The following SDK1 variants were observed in gnomAD, a reference collection of about 807,000 sequenced individuals.
The protein encoded by SDK1 is protein sidekick-1.
SDK1 carries 157 observed loss-of-function variants against 245.5 expected under a neutral mutation model. That is an observed-to-expected ratio of 0.64 (90% CI 0.56 to 0.73). SDK1 has a LOEUF of 0.73. Among genes scored for constraint, SDK1 ranks in the 30% least tolerant of loss-of-function variants. The pLI, the probability that SDK1 is intolerant of heterozygous loss-of-function variation, is 0.00. For synonymous variants in SDK1, 1,647 were observed against 1,278.5 expected (o/e 1.29, Z -6.15); for missense variants, 3,583 against 3,002.3 (o/e 1.19, Z -4.52).
chr7:4,245,585 A>G (rs1356809879), intron 43 of SDK1, 91 bp from the exon 44 acceptor site: 63 of 1,476,386 alleles, frequency 4.3e-5, no homozygotes, highest in Non-Finnish European at 5.5e-5. Flanking sequence ...TCTTAGTCCA[A>G]CGCAATAAAG....
intron 1 of SDK1, among the ~76,000 whole-genome samples, chr7:3,560,228 A>C (rs1327757020): frequency 6.6e-6 from 1 of 152,240 alleles, no homozygotes; most frequent in African/African-American, 2.4e-5. Flanking sequence ...CTTTAGAAGT[A>C]CGTACTTCTA....
intron 5 of SDK1, 79 bp downstream of exon 5, chr7:3,821,662 A>G (rs1779649159): frequency 7.4e-6 from 11 of 1,484,516 alleles, no homozygotes; most frequent in South Asian, 1.3e-5. Context: ...CTGACAGGAC[A>G]TTTTGCAATA....
chr7:3,364,535 C>G (rs1781038251), intron 1 of SDK1, among the ~76,000 whole-genome samples: 1 of 152,138 alleles, frequency 6.6e-6, no homozygotes, highest in Admixed American at 6.5e-5. Flanking sequence ...GTTGAAAAGC[C>G]TATTTTTTCT....
intron 1 of SDK1, among the ~76,000 whole-genome samples, chr7:3,493,450 ATTAC>A (rs1781925469): frequency 6.6e-6 from 1 of 152,202 alleles, no homozygotes; most frequent in Non-Finnish European, 1.5e-5. Flanking sequence ...AATTAAAAAT[ATTAC>A]TTCTAGTGTG....
intron 5 of SDK1, among the ~76,000 whole-genome samples, chr7:3,905,707 C>G (rs187378671): frequency 2.0e-5 from 3 of 151,906 alleles, no homozygotes; most frequent in African/African-American, 4.8e-5. Context: ...ACTGTAACCC[C>G]GAACTCCTGG....
chr7:3,708,962 A>G (rs921610987), intron 4 of SDK1, among the ~76,000 whole-genome samples: 2 of 152,176 alleles, frequency 1.3e-5, no homozygotes, highest in South Asian at 4.1e-4. Context: ...CATTCATGAT[A>G]CTCTTCCAGC....
intron 1 of SDK1, among the ~76,000 whole-genome samples, chr7:3,492,527 C>G (rs182170460): frequency 7.9e-5 from 12 of 152,184 alleles, no homozygotes; most frequent in African/African-American, 2.9e-4. Flanking sequence ...ACAAAAAAAC[C>G]TGACGGATGT....
At chr7:4,090,095 C>G (rs1332195485) in intron 22 of SDK1, among the ~76,000 whole-genome samples, 1 of 152,178 alleles carries the variant, frequency 6.6e-6, no homozygotes, top group Non-Finnish European at 1.5e-5. Flanking sequence ...CCTGCTACAC[C>G]TTGTTGGGTT....
chr7:3,423,215 G>A (rs758774718), intron 1 of SDK1, among the ~76,000 whole-genome samples: 2 of 152,100 alleles, frequency 1.3e-5, no homozygotes, highest in African/African-American at 2.4e-5. Flanking sequence ...AACAATTTAC[G>A]TTTTTTATTG....
At chr7:3,432,962 G>C (rs941459819) in intron 1 of SDK1, among the ~76,000 whole-genome samples, 5 of 152,222 alleles carry the variant, frequency 3.3e-5, no homozygotes, top group African/African-American at 1.2e-4. Context: ...ACTTACAGAA[G>C]AGAGTGACTA....
At chr7:3,783,699 A>G (rs1780818574) in intron 4 of SDK1, among the ~76,000 whole-genome samples, 1 of 152,190 alleles carries the variant, frequency 6.6e-6, no homozygotes, top group Admixed American at 6.5e-5. Context: ...GTTGATAAAA[A>G]AGTTGAAGAT....
At chr7:3,386,372 G>C (rs1029912012) in intron 1 of SDK1, among the ~76,000 whole-genome samples, 3 of 152,144 alleles carry the variant, frequency 2.0e-5, no homozygotes, top group Non-Finnish European at 4.4e-5. Flanking sequence ...GCCTTTAAAA[G>C]AGTTAAAGTT....
chr7:3,480,294 A>C (rs992969245), intron 1 of SDK1, among the ~76,000 whole-genome samples: 1 of 152,198 alleles, frequency 6.6e-6, no homozygotes, highest in East Asian at 1.9e-4. Context: ...AGAGTGGCTC[A>C]TGTGAAAACC....
rs200206605 is a variant in SDK1 at position 4,163,389 on chromosome 7, C to G, written c.4800+1533C>G. On this transcript the variant is annotated intron_variant, in intron 32 of 44. Transcript: ENST00000404826. The stretch of plus-strand genomic sequence containing the variant: ...ATCAAGAGGGGAACAGTGGTCTAGA[C>G]ATGGCCTTGGAGGGCGAGGGGATGT... Among the ~76,000 whole-genome samples, 48 of 152,318 alleles carry G rather than the reference C, an allele frequency of 3.2e-4. No individual in the cohort carries two copies. The East Asian group carries it at 8.5e-3, about 27-fold the overall frequency.
intron 1 of SDK1, among the ~76,000 whole-genome samples, chr7:3,346,347 C>G (rs771871031): frequency 1.6e-4 from 24 of 152,008 alleles, no homozygotes; most frequent in Non-Finnish European, 3.2e-4. Flanking sequence ...TGTGAGCCTC[C>G]GTGCAAGGCT....
At chr7:3,791,082 C>G (rs1781066985) in intron 4 of SDK1, among the ~76,000 whole-genome samples, 1 of 150,750 alleles carries the variant, frequency 6.6e-6, no homozygotes, top group Non-Finnish European at 1.5e-5. Context: ...TGGGGAGTGA[C>G]AAAAATTATT....
chr7:3,984,909 C>T (rs1783707044), intron 13 of SDK1, among the ~76,000 whole-genome samples: 1 of 152,220 alleles, frequency 6.6e-6, no homozygotes, highest in African/African-American at 2.4e-5. Context: ...AGTGCATTTT[C>T]CCTCAACCCT....
chr7:3,539,096 G>C (rs1778979320), intron 1 of SDK1, among the ~76,000 whole-genome samples: 1 of 152,334 alleles, frequency 6.6e-6, no homozygotes, highest in African/African-American at 2.4e-5. Flanking sequence ...ACCAAAAGCA[G>C]ACAGATTATA....
At chr7:3,967,204 T>G in intron 9 of SDK1, 114 bp from the exon 10 acceptor site, 1 of 783,422 alleles carries the variant, frequency 1.3e-6, no homozygotes, top group Non-Finnish European at 2.2e-6. Flanking sequence ...CCTTTTGTAT[T>G]GCTACAGTTA....
Sources: gnomAD v4.1 joint callset for allele counts (sites outside exome capture counted in the v4.1 genomes callset) on GRCh38, gnomAD v4.1.1 for gene constraint, MANE v1.5 for transcripts, NCBI Gene and HGNC (gene_info 2026-07-23, HGNC 2026-07-21) for gene names.